Variants in FAT3 observed in about 807,000 individuals in gnomAD.
FAT3 encodes protocadherin Fat 3.
FAT3 carries 95 observed loss-of-function variants against 310.2 expected under a neutral mutation model. That is an observed-to-expected ratio of 0.31 (90% confidence interval 0.26 to 0.36). The LOEUF (loss-of-function observed/expected upper bound fraction) is 0.36, where lower values mean the gene tolerates loss of function less well. Ranked by LOEUF, FAT3 falls within the 10% of genes least tolerant of loss-of-function variation. The pLI is 1.00. For missense variants in FAT3, 5,408 were observed against 5,715.6 expected, an observed-to-expected ratio of 0.95 and a Z score of 1.74; for synonymous variants, 2,314 against 2,192.9, an observed-to-expected ratio of 1.06 and a Z score of -1.54.
At chr11:92,712,560 T>C (rs1202422701) in intron 4 of FAT3, among the ~76,000 whole-genome samples, 2 of 151,272 alleles carry the variant, frequency 1.3e-5, no homozygotes, top group Non-Finnish European at 2.9e-5. Flanking sequence ...TTGTACTTAT[T>C]AGACTCTAAG....
intron 2 of FAT3, among the ~76,000 whole-genome samples, chr11:92,384,371 T>G (rs768599822): frequency 6.6e-5 from 10 of 152,204 alleles, no homozygotes; most frequent in Non-Finnish European, 1.0e-4. Context: ...GAAAATTCTT[T>G]GAGCACATTT....
intron 2 of FAT3, among the ~76,000 whole-genome samples, chr11:92,413,501 A>G (rs1950340947): frequency 6.6e-6 from 1 of 152,108 alleles, no homozygotes; most frequent in Non-Finnish European, 1.5e-5. Flanking sequence ...TTCTCCAACT[A>G]CACCTCTGTG....
At chr11:92,512,576 T>A (rs886092482) in intron 2 of FAT3, among the ~76,000 whole-genome samples, 2 of 147,342 alleles carry the variant, frequency 1.4e-5, no homozygotes, top group African/African-American at 2.5e-5. Context: ...AATTATATTT[T>A]AAATTTTTAT....
At position 92,352,366 on chromosome 11, in the gene FAT3, C is replaced by T. The variant is rs1169265782; in HGVS notation, c.254C>T (p.Ser85Phe). ...LSWDIKYRIV[S>F]GDEEGFFKAE... ...TGGGATATCAAATACAGAATAGTGT[C>T]CGGAGACGAGGAAGGCTTTTTCAAA... Residue 85 changes from serine to phenylalanine, a missense_variant, in exon 2 of 28, where the codon TCC becomes TTC. By Grantham distance (155) the Ser-to-Phe change is radical (BLOSUM62 -2). Around this residue, in one of 5 missense-constraint regions of FAT3, gnomAD observed 152 missense variants for 188.3 expected, o/e 0.81. Coordinates refer to ENST00000525166, the MANE Select transcript of FAT3 (RefSeq NM_001367949.2). The T allele has an allele frequency of 3.1e-6, 5 of 1,602,906 alleles. No individual in the cohort carries two copies. The highest frequency in any genetic ancestry group is 4.3e-6 in the Non-Finnish European group (5 of 1,173,532).
intron 19 of FAT3, among the ~76,000 whole-genome samples, chr11:92,855,318 T>C (rs1003383138): frequency 1.3e-5 from 2 of 152,200 alleles, no homozygotes; most frequent in Admixed American, 1.3e-4. Context: ...AGTTAAAATA[T>C]TCCCTTCCTT....
chr11:92,564,673 T>G lies in FAT3; in HGVS notation c.3607+39725T>G, dbSNP rs561123975. Among the ~76,000 whole-genome samples the G allele has an allele frequency of 9.2e-5, 14 of 152,108 alleles. No individual in the cohort carries two copies. The East Asian group carries it at 2.5e-3, about 27-fold the overall frequency. Reference sequence around the variant, plus strand: ...TCAGTAAATGTAAAAGAACAGAAGTTATAACAAACTATCTCTCAGACCACA... The same window carrying G: ...TCAGTAAATGTAAAAGAACAGAAGTGATAACAAACTATCTCTCAGACCACA... On this transcript the variant is annotated intron_variant, in intron 3 of 27. Transcript: ENST00000525166.
At chr11:92,779,333 T>C (rs1261792630) in intron 7 of FAT3, among the ~76,000 whole-genome samples, 2 of 152,086 alleles carry the variant, frequency 1.3e-5, no homozygotes, top group Non-Finnish European at 2.9e-5. Flanking sequence ...GAGTCAGGAT[T>C]CCTCATAGAA....
chr11:92,354,251 T>G lies in FAT3; in HGVS notation c.2139T>G (p.Leu713=). The G allele has an allele frequency of 6.2e-7, 1 of 1,613,736 alleles. No individual in the cohort carries two copies. The highest frequency in any genetic ancestry group is 8.5e-7 in the Non-Finnish European group (1 of 1,179,862). Residue 713 remains leucine (L), a synonymous_variant, in exon 2 of 28, where the codon CTT becomes CTG. Transcript: ENST00000525166. ...AACTGAATCTGGAAGATGGATTTCTTGACTTTTATTCAATTAATAGACAGG... is the reference window on the plus strand; with the variant it reads ...AACTGAATCTGGAAGATGGATTTCTGGACTTTTATTCAATTAATAGACAGG... The part of the protein sequence containing the change: ...NGKLNLEDGF[L]DFYSINRQGP...
chr11:92,559,339 CTTTATATA>C (rs1188811798), intron 3 of FAT3: 2 of 197,672 alleles, frequency 1.0e-5, no homozygotes, highest in Non-Finnish European at 1.1e-5. Flanking sequence ...CCTACTTTCT[CTTTATATA>C]TATTTCTTAT....
intron 16 of FAT3, 67 bp downstream of exon 16, chr11:92,836,770 G>GCTCCAC (rs1355043922): frequency 1.5e-5 from 23 of 1,557,100 alleles, no homozygotes; most frequent in Non-Finnish European, 2.0e-5. Context: ...AGGGGCACAA[G>GCTCCAC]CTCCACGGGT....
chr11:92,407,959 G>C (rs1950167779), intron 2 of FAT3: 2 of 152,186 alleles, frequency 1.3e-5, no homozygotes, highest in Non-Finnish European at 2.9e-5. Context: ...ATGAGGCAAA[G>C]TGGTGGCAAA....
At chr11:92,275,079 T>C (rs987287208) in intron 1 of FAT3, among the ~76,000 whole-genome samples, 2 of 152,026 alleles carry the variant, frequency 1.3e-5, no homozygotes, top group Non-Finnish European at 1.5e-5. Context: ...GAACTTCTGT[T>C]GTAGTGTGTG....
chr11:92,500,453 T>G (rs887387666), intron 2 of FAT3, among the ~76,000 whole-genome samples: 2 of 151,976 alleles, frequency 1.3e-5, no homozygotes, highest in African/African-American at 4.8e-5. Flanking sequence ...ATTAGGCTGA[T>G]TGTAAAAGAA....
intron 11 of FAT3, among the ~76,000 whole-genome samples, 174 bp downstream of exon 11, chr11:92,805,523 G>A (rs993803183): frequency 4.6e-5 from 7 of 150,688 alleles, no homozygotes; most frequent in Admixed American, 2.0e-4. Flanking sequence ...CATGAAAAGA[G>A]TATAGGTAGC....
intron 1 of FAT3, among the ~76,000 whole-genome samples, chr11:92,347,070 A>G (rs752363993): frequency 2.0e-5 from 3 of 152,176 alleles, no homozygotes; most frequent in Non-Finnish European, 4.4e-5. Flanking sequence ...TTCTCATTTT[A>G]TAGAAGAATA....
In FAT3 at chr11:92,799,761, G is replaced by T. The variant is rs1947282234; in HGVS notation, c.6748G>T (p.Val2250Phe). The T allele has an allele frequency of 6.2e-7, 1 of 1,612,636 alleles. No homozygotes were observed. The highest frequency in any genetic ancestry group is 8.5e-7 in the Non-Finnish European group (1 of 1,179,362). Residue 2250 changes from valine to phenylalanine, a missense_variant, in exon 10 of 28, where the codon GTT becomes TTT. Transcript: ENST00000525166. ...AGTTGTTAGCCCTTTGGATTATGAA[G>T]TTACATCTGCTTACAAGCTGACAAT... ...LKVVSPLDYE[V>F]TSAYKLTIRA...
Position 92,805,354 on chromosome 11 carries a change from G to C in FAT3, c.9093+5G>C, listed in dbSNP as rs1427350128. On this transcript the variant is annotated splice_donor_5th_base_variant and intron_variant, in intron 11 of 27. Transcript: ENST00000525166. ...AATAGCCCAGTGTGTGATCAGGTGA[G>C]ATTTGGGGATAGGGTTCTGCTTTTA... is the stretch of plus-strand genomic sequence containing the variant. 6.2e-7 allele frequency: 1 copy of C among 1,610,368 alleles called. No individual in the cohort carries two copies. Among genetic ancestry groups the C allele is most frequent in the South Asian group, 1.1e-5 (1 of 90,554 alleles).
chr11:92,226,608 G>A (rs1197377505), intron 1 of FAT3, among the ~76,000 whole-genome samples: 2 of 151,794 alleles, frequency 1.3e-5, no homozygotes, highest in Non-Finnish European at 2.9e-5. Flanking sequence ...CCCCGGAATG[G>A]ACGTCGGGGG....
chr11:92,391,844 G>A (rs969630089), intron 2 of FAT3, among the ~76,000 whole-genome samples: 2 of 152,078 alleles, frequency 1.3e-5, no homozygotes, highest in Admixed American at 1.3e-4. Flanking sequence ...GTTATATTTG[G>A]CACCCCAGAA....
Sources: gnomAD v4.1 joint callset for allele counts (sites outside exome capture counted in the v4.1 genomes callset) on GRCh38, gnomAD v4.1.1 for gene constraint, gnomAD v4.1.1 regional missense constraint, MANE v1.5 for transcripts, NCBI Gene and HGNC (gene_info 2026-07-23, HGNC 2026-07-21) for gene names.